The following XRN1 variants were observed in gnomAD, a reference collection of about 807,000 sequenced individuals.
XRN1 encodes strand-exchange protein 1 homolog.
In XRN1, 67 loss-of-function variants were observed where a neutral mutation model predicts 222.3. The ratio of observed to expected loss-of-function variants is 0.30; its 90% CI spans 0.25 to 0.37. The LOEUF is 0.37. Among genes scored for constraint, XRN1 ranks in the 10% least tolerant of loss-of-function variants. The probability of loss-of-function intolerance (pLI) is 1.00; values close to 1 mark genes in which losing one functional copy is unlikely to be tolerated. For synonymous variants in XRN1, 643 were observed against 652.4 expected, an observed-to-expected ratio of 0.99 and a Z score of 0.22; for missense variants, 1,707 against 2,000.2, an observed-to-expected ratio of 0.85 and a Z score of 2.80.
rs781705370 is a variant in XRN1, at chr3:142,312,677, T to C, written c.4703A>G (p.His1568Arg). 3 of 1,613,960 alleles carry C rather than the reference T, an allele frequency of 1.9e-6. No individual in the cohort carries two copies. The South Asian group carries it at 3.3e-5, about 18-fold the overall frequency. ...PSVPVPGKPF[H>R]HTLYSGTMPM... ...CATGGTCCCAGAATATAAAGTATGA[T>C]GGAAGGGCTTCCCAGGAACTGGCAC... Residue 1568 changes from histidine to arginine, a missense_variant, in exon 40 of 41, where the codon CAT (histidine) becomes CGT (arginine). This residue lies in a region of XRN1 where 473 missense variants were observed against 482.0 expected (regional missense o/e 0.98). Coordinates refer to ENST00000392981, the MANE Select transcript of XRN1 (RefSeq NM_001282857.2).
intron 22 of XRN1, among the ~76,000 whole-genome samples, chr3:142,382,696 C>T (rs1270820829): frequency 6.6e-6 from 1 of 152,100 alleles, no homozygotes; most frequent in South Asian, 2.1e-4. Flanking sequence ...CTGGGTGGTA[C>T]ATGTGCTCAT....
chr3:142,367,959 A>T (rs957620969), intron 27 of XRN1, among the ~76,000 whole-genome samples: 6 of 150,868 alleles, frequency 4.0e-5, no homozygotes, highest in Admixed American at 2.6e-4. Flanking sequence ...AAAAAAAATC[A>T]CTCATAACTG....
intron 33 of XRN1, among the ~76,000 whole-genome samples, chr3:142,345,713 T>TA (rs1375113452): frequency 1.3e-5 from 2 of 152,102 alleles, no homozygotes; most frequent in Non-Finnish European, 2.9e-5. Flanking sequence ...GAAAAAAGAT[T>TA]AAAAAATCCA....
chr3:142,423,553 A>G lies in XRN1; in HGVS notation c.710+7T>C, dbSNP rs993386161. ...CTTTCTTCCAACATATATGCTATAT[A>G]ATTTACCGTTGTGTTTTTTTGCCAC... is the stretch of plus-strand genomic sequence containing the variant. On this transcript the variant is annotated splice_region_variant and intron_variant, in intron 6 of 40. Transcript: ENST00000392981. The G allele has an allele frequency of 4.4e-6, 7 of 1,595,842 alleles. No individual in the cohort carries two copies. The African/African-American group carries it at 8.1e-5, about 19-fold the overall frequency.
chr3:142,370,361 T>G, intron 27 of XRN1, 124 bp downstream of exon 27: 1 of 1,208,874 alleles, frequency 8.3e-7, no homozygotes, highest in South Asian at 1.7e-5. Flanking sequence ...ACAGGATTAT[T>G]TGATACTAAT....
Position 142,447,814 on chromosome 3 carries a change from G to A in XRN1, c.75+56C>T, listed in dbSNP as rs904434348. On this transcript the variant is annotated intron_variant, in intron 1 of 40. Coordinates refer to ENST00000392981, the MANE Select transcript of XRN1 (RefSeq NM_001282857.2). The surrounding 1 kb of genome is among the most constrained non-coding windows in gnomAD (Gnocchi z 4.2). ...GAAAGCCCCAGCTCTAAGGTGGAGA[G>A]GGCCGCGGAGCCCCGGGTCCTCGGC... The A allele has an allele frequency of 2.3e-5, 36 of 1,596,628 alleles. No individual in the cohort carries two copies. Among genetic ancestry groups the A allele is most frequent in the Non-Finnish European group, 2.9e-5 (34 of 1,167,714 alleles).
intron 19 of XRN1, 146 bp downstream of exon 19, chr3:142,400,298 T>C (rs7623785): frequency 0.39 from 212,413 of 545,748 alleles, 42,267 homozygotes; most frequent in Middle Eastern, 0.42. Context: ...GAACTTCAAG[T>C]GGTGTCATTA....
Position 142,423,643 on chromosome 3 carries a change from C to T in XRN1, c.628-1G>A. ...CATGACTTGTTAATCCAAGCATAAT[C>T]TGTTGAAAAATGATTAAGAAATGTT... On this transcript the variant is annotated splice_acceptor_variant, in intron 5 of 40. Transcript: ENST00000392981. LOFTEE classifies it high-confidence loss of function. The T allele has an allele frequency of 6.4e-7, 1 of 1,569,310 alleles. No homozygotes were observed. Among genetic ancestry groups the T allele is most frequent in the Non-Finnish European group, 8.6e-7 (1 of 1,162,394 alleles).
intron 20 of XRN1, among the ~76,000 whole-genome samples, chr3:142,396,615 C>A (rs1307319205): frequency 6.6e-6 from 1 of 152,224 alleles, no homozygotes; most frequent in African/African-American, 2.4e-5. Flanking sequence ...GTTTATTCAT[C>A]TTTGAATAAG....
At chr3:142,446,843 T>A (rs894913448) in intron 1 of XRN1, among the ~76,000 whole-genome samples, 1 of 152,210 alleles carries the variant, frequency 6.6e-6, no homozygotes. Context: ...CCAAATCTGA[T>A]TGGAATCCAG....
intron 1 of XRN1, chr3:142,436,058 T>G (rs2069891237): frequency 1.4e-5 from 1 of 73,884 alleles, no homozygotes; most frequent in Non-Finnish European, 2.3e-5. Flanking sequence ...AGACTCCACC[T>G]CAAAAAAAAA....
chr3:142,436,623 T>C (rs1170259873), intron 1 of XRN1, among the ~76,000 whole-genome samples: 1 of 152,134 alleles, frequency 6.6e-6, no homozygotes, highest in Non-Finnish European at 1.5e-5. Context: ...CATGGCAGTA[T>C]TGTACAGAAA....
At chr3:142,377,365 T>C (rs1488131089) in intron 23 of XRN1, among the ~76,000 whole-genome samples, 1 of 152,102 alleles carries the variant, frequency 6.6e-6, no homozygotes, top group East Asian at 1.9e-4. Context: ...CATAATCAGA[T>C]TTAGCAATAA....
intron 20 of XRN1, among the ~76,000 whole-genome samples, chr3:142,396,397 T>A (rs374287937): frequency 6.6e-6 from 1 of 152,250 alleles, no homozygotes; most frequent in Non-Finnish European, 1.5e-5. Context: ...GTGCATACTA[T>A]CTAAAGAAAG....
chr3:142,443,564 A>G (rs2070349231), intron 1 of XRN1, among the ~76,000 whole-genome samples: 1 of 152,218 alleles, frequency 6.6e-6, no homozygotes, highest in Non-Finnish European at 1.5e-5. Flanking sequence ...CACGCATTCA[A>G]GCCGGCAACA....
At chr3:142,432,251 TTA>T (rs60775404) in intron 2 of XRN1, among the ~76,000 whole-genome samples, 2 of 124,596 alleles carry the variant, frequency 1.6e-5, no homozygotes, top group African/African-American at 6.4e-5. Context: ...AAAATTTATT[TTA>T]TATATATATA....
intron 20 of XRN1, among the ~76,000 whole-genome samples, chr3:142,392,909 C>A (rs1393520617): frequency 6.7e-6 from 1 of 149,582 alleles, no homozygotes; most frequent in Non-Finnish European, 1.5e-5. Context: ...CACTGACTTC[C>A]ACAATGGTTG....
chr3:142,336,248 G>A (rs1577242517), intron 33 of XRN1, among the ~76,000 whole-genome samples: 1 of 152,080 alleles, frequency 6.6e-6, no homozygotes, highest in Non-Finnish European at 1.5e-5. Flanking sequence ...AGGGGCATGA[G>A]GTAGATATGA....
chr3:142,343,597 G>A (rs908502848), intron 33 of XRN1, among the ~76,000 whole-genome samples: 5 of 152,164 alleles, frequency 3.3e-5, no homozygotes, highest in African/African-American at 1.2e-4. Context: ...CGCTGGTGAG[G>A]ATGTGGAGAA....
Sources: gnomAD v4.1 joint callset for allele counts (sites outside exome capture counted in the v4.1 genomes callset) on GRCh38, gnomAD v4.1.1 for gene constraint, gnomAD v4.1.1 regional missense constraint, Gnocchi (gnomAD v3.1) non-coding constraint, MANE v1.5 for transcripts, NCBI Gene and HGNC (gene_info 2026-07-23, HGNC 2026-07-21) for gene names.